Variants in TRAPPC9 observed in about 807,000 individuals in gnomAD.
The protein encoded by TRAPPC9 is trafficking protein particle complex subunit 9, also known as IKK2 binding protein.
A neutral mutation model predicts 124.0 loss-of-function variants in TRAPPC9; 83 were observed. The ratio of observed to expected loss-of-function variants is 0.67; its 90% CI spans 0.56 to 0.80. TRAPPC9 has a LOEUF of 0.80. TRAPPC9 is among the 30% of genes least tolerant of loss of function. The pLI is 0.00. For missense variants in TRAPPC9, 1,302 were observed against 1,508.3 expected (o/e 0.86, Z 2.27); for synonymous variants, 638 against 617.5 (o/e 1.03, Z -0.49).
At chr8:140,315,009 C>T (rs1459460981) in intron 9 of TRAPPC9, among the ~76,000 whole-genome samples, 2 of 152,202 alleles carry the variant, frequency 1.3e-5, no homozygotes, top group South Asian at 2.1e-4. Flanking sequence ...TTTGAGGAAC[C>T]TCCATACTGT....
chr8:139,915,975 C>T (rs1489319620), intron 19 of TRAPPC9, among the ~76,000 whole-genome samples: 1 of 152,138 alleles, frequency 6.6e-6, no homozygotes, highest in South Asian at 2.1e-4. Flanking sequence ...TCTAGAGATT[C>T]GCTAAAGGGA....
chr8:140,448,437 G>A (rs10103611), intron 2 of TRAPPC9, among the ~76,000 whole-genome samples: 7 of 152,242 alleles, frequency 4.6e-5, no homozygotes, highest in African/African-American at 1.4e-4. Flanking sequence ...GCACACTCCC[G>A]CTCCTCCTGC....
At chr8:139,856,478 A>G (rs1166889465) in intron 21 of TRAPPC9, among the ~76,000 whole-genome samples, 3 of 152,066 alleles carry the variant, frequency 2.0e-5, no homozygotes, top group Non-Finnish European at 2.9e-5. Context: ...AAGCGAACCC[A>G]CCAGCTCCCC....
At chr8:140,343,697 C>T (rs1045947183) in intron 9 of TRAPPC9, among the ~76,000 whole-genome samples, 1 of 152,204 alleles carries the variant, frequency 6.6e-6, no homozygotes, top group Admixed American at 6.5e-5. Flanking sequence ...TCAGACCTGG[C>T]ACACACCTCC....
intron 9 of TRAPPC9, among the ~76,000 whole-genome samples, chr8:140,311,623 T>G (rs1405411099): frequency 2.0e-5 from 3 of 152,178 alleles, no homozygotes; most frequent in Non-Finnish European, 4.4e-5. Flanking sequence ...CCAGGAGACT[T>G]CCATTTTCCA....
At chr8:139,810,664 T>G (rs867480745) in intron 21 of TRAPPC9, among the ~76,000 whole-genome samples, 12 of 152,274 alleles carry the variant, frequency 7.9e-5, no homozygotes, top group South Asian at 4.2e-4. Flanking sequence ...CCAGGAAGCC[T>G]CTGGACTCAA....
chr8:140,338,111 T>G (rs1048374368), intron 9 of TRAPPC9, among the ~76,000 whole-genome samples: 2 of 152,196 alleles, frequency 1.3e-5, no homozygotes, highest in African/African-American at 4.8e-5. Flanking sequence ...TAATTTGAAT[T>G]AAACTCAATG....
intron 2 of TRAPPC9, among the ~76,000 whole-genome samples, chr8:140,446,030 T>C (rs1268886419): frequency 1.3e-5 from 2 of 152,182 alleles, no homozygotes; most frequent in Non-Finnish European, 2.9e-5. Flanking sequence ...CAGTGGCTCA[T>C]GCCTATAATC....
Position 140,241,950 on chromosome 8 carries a change from G to A in TRAPPC9, c.2431+10827C>T, listed in dbSNP as rs1001173886. On this transcript the variant is annotated intron_variant, in intron 16 of 22. Coordinates refer to ENST00000438773, the MANE Select transcript of TRAPPC9 (RefSeq NM_001160372.4). This position sits in a 1 kb window ranked among gnomAD's most constrained non-coding sequence, Gnocchi z 5.0. The stretch of plus-strand genomic sequence containing the variant: ...ACGTGGGAGACTCAGGGAAGGATGA[G>A]CTCGAGCTCTGCCACCACAGGACAT... Among the ~76,000 whole-genome samples, 3 of 152,164 alleles carry A rather than the reference G, an allele frequency of 2.0e-5. No individual in the cohort carries two copies. The highest frequency in any genetic ancestry group is 7.2e-5 in the African/African-American group (3 of 41,424).
chr8:140,304,816 C>T (rs1157916919), intron 10 of TRAPPC9, among the ~76,000 whole-genome samples: 1 of 151,908 alleles, frequency 6.6e-6, no homozygotes, highest in Non-Finnish European at 1.5e-5. Flanking sequence ...AGCAGCCCAC[C>T]CGTTATCCTA....
chr8:139,730,881 G>A lies in TRAPPC9; in HGVS notation c.*180C>T, dbSNP rs535912662. 137 of 677,290 alleles carry A rather than the reference G, an allele frequency of 2.0e-4. No individual in the cohort carries two copies. In the East Asian group the frequency reaches 3.1e-3, roughly 15 times the overall value. The allele number at this position is 677,290 out of a possible 1,614,324, so 42.0% of individuals were successfully genotyped here. On this transcript the variant is annotated 3_prime_UTR_variant, in exon 23 of 23. Coordinates refer to ENST00000438773, the MANE Select transcript of TRAPPC9 (RefSeq NM_001160372.4). ...GGCATGGGGTGGGGCTGCCATGTCC[G>A]GGGCTTCTGCGTAGCCCAGCAAAGA... is the stretch of plus-strand genomic sequence containing the variant.
chr8:140,214,499 A>G (rs1326293187), intron 17 of TRAPPC9, among the ~76,000 whole-genome samples: 1 of 152,186 alleles, frequency 6.6e-6, no homozygotes, highest in East Asian at 1.9e-4. Flanking sequence ...TTTCCTCCTT[A>G]CATACAAGAA....
At chr8:139,823,399 C>T (rs147878546) in intron 21 of TRAPPC9, among the ~76,000 whole-genome samples, 8 of 151,768 alleles carry the variant, frequency 5.3e-5, no homozygotes, top group African/African-American at 1.9e-4. Context: ...AGAGTGGGTT[C>T]ACAGGAAAGA....
At chr8:140,281,945 A>ACC (rs778149766) in intron 14 of TRAPPC9, among the ~76,000 whole-genome samples, 79 of 151,918 alleles carry the variant, frequency 5.2e-4, no homozygotes, top group Non-Finnish European at 9.6e-4. Context: ...AGCACATGGG[A>ACC]CCTCCCGCAT....
rs376753987 is a variant in TRAPPC9 at position 140,426,923 on chromosome 8, C to CT, written c.860-283dup. Among the ~76,000 whole-genome samples the CT allele has an allele frequency of 3.3e-3, 475 of 143,840 alleles. 1 individual carries two copies. Among genetic ancestry groups the CT allele is most frequent in the Middle Eastern group, 0.011 (3 of 276 alleles). The allele number at this position is 143,840 out of a possible 152,430, so 94.4% of individuals were successfully genotyped here. A position where few individuals can be genotyped will look rare whatever the true frequency, so the allele number is the denominator to read the frequency against. On this transcript the variant is annotated intron_variant, in intron 4 of 22. Coordinates refer to ENST00000438773, the MANE Select transcript of TRAPPC9 (RefSeq NM_001160372.4). ...ACTTTCTATGTTCATGCTCCCAGTT[C>CT]TTTTTTTTTTTTTCTTTTCTGAGAC... is the stretch of plus-strand genomic sequence containing the variant.
chr8:139,947,403 A>G (rs1261298004), intron 19 of TRAPPC9, among the ~76,000 whole-genome samples: 8 of 152,194 alleles, frequency 5.3e-5, no homozygotes, highest in African/African-American at 1.7e-4. Flanking sequence ...GGAGCAAAGG[A>G]CAGAAGAATG....
chr8:140,283,320 A>C lies in TRAPPC9; in HGVS notation c.2114+569T>G, dbSNP rs534459603. Among the ~76,000 whole-genome samples, 64 of 103,574 alleles carry C rather than the reference A, an allele frequency of 6.2e-4. 1 individual carries two copies. Among genetic ancestry groups the C allele is most frequent in the African/African-American group, 2.5e-3 (63 of 24,892 alleles). The allele number at this position is 103,574 out of a possible 152,430, so 67.9% of individuals were successfully genotyped here. On this transcript the variant is annotated intron_variant, in intron 14 of 22. Transcript: ENST00000438773. ...TTTTTTTTTTTTTTTTTTGAGACGG[A>C]GTCTCGCTCTGTCGCCCAGGCTGGA...
At chr8:140,242,913 T>C (rs2063894768) in intron 16 of TRAPPC9, among the ~76,000 whole-genome samples, 2 of 152,060 alleles carry the variant, frequency 1.3e-5, no homozygotes, top group South Asian at 2.1e-4. Context: ...AAAAGCCTGA[T>C]TTCAATGGCG....
chr8:140,204,749 C>T (rs1005182770), intron 17 of TRAPPC9, among the ~76,000 whole-genome samples: 1 of 152,182 alleles, frequency 6.6e-6, no homozygotes, highest in East Asian at 1.9e-4. Flanking sequence ...GATGCTGGCA[C>T]CAGGCTTCCT....
Sources: gnomAD v4.1 joint callset for allele counts (sites outside exome capture counted in the v4.1 genomes callset) on GRCh38, gnomAD v4.1.1 for gene constraint, Gnocchi (gnomAD v3.1) non-coding constraint, MANE v1.5 for transcripts, NCBI Gene and HGNC (gene_info 2026-07-23, HGNC 2026-07-21) for gene names.